Variants in PLCZ1 observed in about 807,000 individuals in gnomAD.
PLCZ1 encodes the protein 1-phosphatidylinositol 4,5-bisphosphate phosphodiesterase zeta-1.
PLCZ1 carries 64 observed loss-of-function variants against 76.8 expected under a neutral mutation model. The ratio of observed to expected loss-of-function variants is 0.83; its 90% CI spans 0.68 to 1.03. The LOEUF is 1.03. PLCZ1 is among the 50% of genes least tolerant of loss of function. The pLI is 0.00. For synonymous variants in PLCZ1, 248 were observed against 230.8 expected (o/e 1.07, Z -0.68); for missense variants, 751 against 713.7 (o/e 1.05, Z -0.60).
the PLCZ1 span, among the ~76,000 whole-genome samples, chr12:18,660,132 G>A: frequency 3.8e-4 from 58 of 152,104 alleles, no homozygotes; most frequent in Non-Finnish European, 7.6e-4. Context: ...AGGCTTGCTT[G>A]CACCTTCCAG....
chr12:18,668,084 C>T, the PLCZ1 span, among the ~76,000 whole-genome samples: 3 of 152,144 alleles, frequency 2.0e-5, no homozygotes, highest in East Asian at 5.8e-4. Flanking sequence ...CGTAATTATA[C>T]TAAAAGAGTC....
At chr12:18,659,663 CTT>C in the PLCZ1 span, among the ~76,000 whole-genome samples, 13 of 133,780 alleles carry the variant, frequency 9.7e-5, no homozygotes, top group Admixed American at 2.3e-4. Flanking sequence ...GTTCTCCATT[CTT>C]TTTTTTTTTT....
At chr12:18,683,753 T>G (rs997687045) in intron 14 of PLCZ1, 1 of 635,464 alleles carries the variant, frequency 1.6e-6, no homozygotes, top group African/African-American at 1.9e-5. Context: ...AAGGATAGTC[T>G]CAGGCTCCCA....
At chr12:18,734,555 T>G (rs1395769557) in intron 3 of PLCZ1, among the ~76,000 whole-genome samples, 1 of 152,172 alleles carries the variant, frequency 6.6e-6, no homozygotes, top group Non-Finnish European at 1.5e-5. Context: ...TTCAACACAT[T>G]GGCCAGGCTG....
downstream of PLCZ1, among the ~76,000 whole-genome samples, chr12:18,682,914 T>A (rs1162086350): frequency 6.6e-6 from 1 of 152,048 alleles, no homozygotes. Flanking sequence ...TATTTGCCAA[T>A]GTATATTTTA....
At chr12:18,678,255 C>G (rs905151758), downstream of PLCZ1, among the ~76,000 whole-genome samples, 4 of 152,060 alleles carry the variant, frequency 2.6e-5, no homozygotes, top group Non-Finnish European at 5.9e-5. Context: ...CCAAATAAAC[C>G]TTTCATGCAT....
intron 5 of PLCZ1, among the ~76,000 whole-genome samples, chr12:18,717,635 G>C (rs1958137517): frequency 6.6e-6 from 1 of 152,098 alleles, no homozygotes; most frequent in South Asian, 2.1e-4. Flanking sequence ...ACCCTTGCAT[G>C]TTGCCTCAAA....
chr12:18,660,901 G>A, the PLCZ1 span, among the ~76,000 whole-genome samples: 1 of 152,148 alleles, frequency 6.6e-6, no homozygotes, highest in African/African-American at 2.4e-5. Context: ...AGTAAAGGAA[G>A]ATGTAAAGAA....
chr12:18,692,861 T>C, intron 12 of PLCZ1: 1 of 1,601,410 alleles, frequency 6.2e-7, no homozygotes, highest in Non-Finnish European at 8.5e-7. Context: ...ATGAACCTCC[T>C]GTACCAACTA....
At chr12:18,668,223 C>A in the PLCZ1 span, among the ~76,000 whole-genome samples, 1 of 152,134 alleles carries the variant, frequency 6.6e-6, no homozygotes, top group African/African-American at 2.4e-5. Flanking sequence ...CAGAATATCA[C>A]AGTAAGCCCA....
At chr12:18,675,694 GA>G in the PLCZ1 span, among the ~76,000 whole-genome samples, 1 of 152,060 alleles carries the variant, frequency 6.6e-6, no homozygotes, top group African/African-American at 2.4e-5. Flanking sequence ...ACATAGCCAG[GA>G]AAAAGAATAA....
the PLCZ1 span, among the ~76,000 whole-genome samples, chr12:18,670,574 C>T: frequency 6.6e-6 from 1 of 152,144 alleles, no homozygotes; most frequent in African/African-American, 2.4e-5. Context: ...GGGTTAACTT[C>T]CTTTCTGCAG....
intron 6 of PLCZ1, among the ~76,000 whole-genome samples, chr12:18,711,529 T>TATAATAATAATAATAATA (rs71440375): frequency 6.7e-4 from 95 of 142,470 alleles, no homozygotes; most frequent in Middle Eastern, 3.6e-3. Context: ...AAACTTAAAG[T>TATAATAATAATAATAATA]ATAATAATAA....
chr12:18,684,141 C>A lies in PLCZ1; in HGVS notation c.1730G>T (p.Cys577Phe). 3 of 1,611,622 alleles carry A rather than the reference C, an allele frequency of 1.9e-6. No individual in the cohort carries two copies. Among genetic ancestry groups the A allele is most frequent in the African/African-American group, 1.3e-5 (1 of 74,894 alleles). Residue 577 changes from cysteine (C) to phenylalanine (F), a missense_variant, in exon 14 of 15, where the codon TGC (cysteine) becomes TTC (phenylalanine). Coordinates refer to ENST00000266505, the MANE Select transcript of PLCZ1 (RefSeq NM_033123.4). The stretch of plus-strand genomic sequence containing the variant: ...TTTAGGGACATTACCTTTGTTCATG[C>A]ATAGAAGTGGCAAAGTATATTGCCC... The part of the protein sequence containing the change: ...FLGQYTLPLL[C>F]MNKGYRRIPL...
Position 18,699,779 on chromosome 12 carries a change from G to A in PLCZ1, c.1174+15C>T. 1.9e-6 allele frequency: 3 copies of A among 1,608,572 alleles called. No individual in the cohort carries two copies. The highest frequency in any genetic ancestry group is 2.6e-6 in the Non-Finnish European group (3 of 1,175,360). On this transcript the variant is annotated intron_variant, in intron 10 of 14. Coordinates refer to ENST00000266505, the MANE Select transcript of PLCZ1 (RefSeq NM_033123.4). ...TCATTTAAACATTTCATCTATTTGA[G>A]TCACAAAAATTTACCTCGCAATTTT...
In PLCZ1 at chr12:18,701,489, A is replaced by C; in HGVS notation, c.1017+12T>G. The C allele has an allele frequency of 2.5e-6, 4 of 1,614,008 alleles. No homozygotes were observed. Among genetic ancestry groups the C allele is most frequent in the Non-Finnish European group, 3.4e-6 (4 of 1,179,970 alleles). ...CAATCACTTGTAAGATTTTCACAAA[A>C]CACCACCTCACCTTCTTTTTCTTGA... On this transcript the variant is annotated intron_variant, in intron 9 of 14. Coordinates refer to ENST00000266505, the MANE Select transcript of PLCZ1 (RefSeq NM_033123.4).
chr12:18,726,463 T>A (rs977123989), intron 3 of PLCZ1, among the ~76,000 whole-genome samples: 1 of 152,166 alleles, frequency 6.6e-6, no homozygotes, highest in African/African-American at 2.4e-5. Flanking sequence ...AAGGTAGACA[T>A]TTTATTCTTT....
chr12:18,686,561 CTT>C (rs1953184291), intron 13 of PLCZ1, among the ~76,000 whole-genome samples: 1 of 151,966 alleles, frequency 6.6e-6, no homozygotes. Context: ...TATTTTAAGA[CTT>C]ATATTATGGC....
intron 6 of PLCZ1, among the ~76,000 whole-genome samples, chr12:18,708,844 A>AT (rs1003643723): frequency 3.0e-4 from 45 of 151,848 alleles, no homozygotes; most frequent in African/African-American, 9.2e-4. Context: ...TTTTTTGTTC[A>AT]TTTTTTAATC....
Sources: gnomAD v4.1 joint callset for allele counts (sites outside exome capture counted in the v4.1 genomes callset) on GRCh38, gnomAD v4.1.1 for gene constraint, MANE v1.5 for transcripts, NCBI Gene and HGNC (gene_info 2026-07-23, HGNC 2026-07-21) for gene names.